Variants in COL24A1 observed in about 807,000 individuals in gnomAD.
COL24A1 encodes collagen alpha-1(XXIV) chain.
A neutral mutation model predicts 253.9 loss-of-function variants in COL24A1; 224 were observed. The observed-to-expected ratio is 0.88, with a 90% confidence interval of 0.79 to 0.99. The LOEUF is 0.99. COL24A1 is among the 50% of genes least tolerant of loss of function. The pLI, the probability that COL24A1 is intolerant of heterozygous loss-of-function variation, is 0.00. For missense variants in COL24A1, 2,131 were observed against 2,068.5 expected (o/e 1.03, Z -0.59); for synonymous variants, 685 against 673.7 (o/e 1.02, Z -0.26).
chr1:86,066,477 C>G (rs1401978693), intron 7 of COL24A1, among the ~76,000 whole-genome samples: 1 of 151,896 alleles, frequency 6.6e-6, no homozygotes, highest in Non-Finnish European at 1.5e-5. Context: ...ATCTCCTGAC[C>G]TCGTGATCTG....
At chr1:86,127,821 C>T (rs1648551398) in intron 2 of COL24A1, among the ~76,000 whole-genome samples, 1 of 152,034 alleles carries the variant, frequency 6.6e-6, no homozygotes, top group African/African-American at 2.4e-5. Context: ...CCAAGTCTCA[C>T]AACTGTGTAC....
intron 2 of COL24A1, among the ~76,000 whole-genome samples, chr1:86,130,241 A>C (rs1156869047): frequency 6.6e-6 from 1 of 151,660 alleles, no homozygotes; most frequent in African/African-American, 2.4e-5. Context: ...TTTTGTTTTC[A>C]TCTACTGTGA....
intron 19 of COL24A1, among the ~76,000 whole-genome samples, chr1:86,005,795 T>C (rs1695896436): frequency 1.3e-5 from 2 of 152,066 alleles, no homozygotes; most frequent in Admixed American, 1.3e-4. Flanking sequence ...ACAGATGACA[T>C]GATTGGCTAT....
chr1:86,011,842 C>T (rs1399118280), intron 19 of COL24A1, among the ~76,000 whole-genome samples: 1 of 152,204 alleles, frequency 6.6e-6, no homozygotes, highest in East Asian at 1.9e-4. Flanking sequence ...AAAGCACTCT[C>T]ATTCTATTGG....
Position 85,865,060 on chromosome 1 carries a change from G to A in COL24A1, c.3300+3459C>T, listed in dbSNP as rs572633527. ...TTCTGTTTAAAGAAATCTAACTCCTGGATTTGGAATTCATTACTGATGCTT... is the reference window on the plus strand; with the variant it reads ...TTCTGTTTAAAGAAATCTAACTCCTAGATTTGGAATTCATTACTGATGCTT... On this transcript the variant is annotated intron_variant, in intron 37 of 59. Coordinates refer to ENST00000370571, the MANE Select transcript of COL24A1 (RefSeq NM_152890.7). Among the ~76,000 whole-genome samples, 24 of 151,676 alleles carry A rather than the reference G, an allele frequency of 1.6e-4. 1 individual carries two copies. In the South Asian group the frequency reaches 2.3e-3, roughly 15 times the overall value.
chr1:86,152,972 C>T (rs899996011), intron 1 of COL24A1, among the ~76,000 whole-genome samples: 1 of 152,100 alleles, frequency 6.6e-6, no homozygotes. Context: ...GGTTTAAAGG[C>T]CTTTCCAAAT....
At chr1:85,970,622 TA>T (rs1416264691) in intron 21 of COL24A1, among the ~76,000 whole-genome samples, 1 of 152,178 alleles carries the variant, frequency 6.6e-6, no homozygotes, top group African/African-American at 2.4e-5. Flanking sequence ...GATTTACCTT[TA>T]AAAAATAGAT....
chr1:86,048,756 C>G (rs1371033605), intron 11 of COL24A1, among the ~76,000 whole-genome samples: 1 of 152,176 alleles, frequency 6.6e-6, no homozygotes, highest in African/African-American at 2.4e-5. Flanking sequence ...TCCCAAAGTG[C>G]TGGGATTAGA....
At chr1:86,009,061 T>C (rs749442166) in intron 19 of COL24A1, among the ~76,000 whole-genome samples, 2 of 152,200 alleles carry the variant, frequency 1.3e-5, no homozygotes, top group African/African-American at 4.8e-5. Flanking sequence ...TAAGTGTAAG[T>C]TGAAGCCAAG....
chr1:85,776,975 G>T (rs1019350485), intron 52 of COL24A1, among the ~76,000 whole-genome samples: 1 of 151,194 alleles, frequency 6.6e-6, no homozygotes, highest in Non-Finnish European at 1.5e-5. Context: ...TTTTGAGAAG[G>T]AGTCTCGCTC....
At chr1:85,884,548 T>C (rs1682242843) in intron 32 of COL24A1, among the ~76,000 whole-genome samples, 1 of 152,158 alleles carries the variant, frequency 6.6e-6, no homozygotes, top group African/African-American at 2.4e-5. Context: ...CATTCTATAG[T>C]TCTACAATTA....
chr1:85,887,246 G>C (rs1682618751), intron 32 of COL24A1, among the ~76,000 whole-genome samples: 1 of 151,990 alleles, frequency 6.6e-6, no homozygotes, highest in Non-Finnish European at 1.5e-5. Flanking sequence ...ATTTAGGTCA[G>C]GAGATTTTTT....
At chr1:85,828,460 T>G (rs1297330087) in intron 43 of COL24A1, among the ~76,000 whole-genome samples, 2 of 151,392 alleles carry the variant, frequency 1.3e-5, no homozygotes, top group Non-Finnish European at 3.0e-5. Context: ...AGAGCTGAGT[T>G]GAATTCCTGG....
At chr1:86,010,896 C>T (rs572110619) in intron 19 of COL24A1, among the ~76,000 whole-genome samples, 5 of 152,238 alleles carry the variant, frequency 3.3e-5, no homozygotes, top group African/African-American at 9.6e-5. Flanking sequence ...AATACACATA[C>T]ATCTGCCCCT....
intron 24 of COL24A1, among the ~76,000 whole-genome samples, chr1:85,943,145 C>T (rs1406858215): frequency 6.6e-6 from 1 of 152,184 alleles, no homozygotes; most frequent in Non-Finnish European, 1.5e-5. Flanking sequence ...TTGCCTTGGA[C>T]ATTAGAATTC....
chr1:85,833,666 C>T (rs552495344), intron 43 of COL24A1, among the ~76,000 whole-genome samples: 16 of 152,126 alleles, frequency 1.1e-4, no homozygotes, highest in African/African-American at 3.6e-4. Context: ...CACATGCACA[C>T]GTATGTTTAT....
At chr1:85,763,770 C>T (rs1667081283) in intron 53 of COL24A1, among the ~76,000 whole-genome samples, 1 of 152,054 alleles carries the variant, frequency 6.6e-6, no homozygotes, top group African/African-American at 2.4e-5. Flanking sequence ...GCTGGGATTA[C>T]AGGCATGAGC....
chr1:85,744,322 A>C lies in COL24A1; in HGVS notation c.4672+344T>G, dbSNP rs150957676. Among the ~76,000 whole-genome samples, 3 of 152,212 alleles carry C rather than the reference A, an allele frequency of 2.0e-5. No homozygotes were observed. The East Asian group carries it at 5.8e-4, about 29-fold the overall frequency. ...TAGGGAGTATGGTGAAGGAGATGCT[A>C]TAATATATTTATTTATGTTGCTAAC... On this transcript the variant is annotated intron_variant, in intron 57 of 59. Transcript: ENST00000370571.
intron 28 of COL24A1, among the ~76,000 whole-genome samples, chr1:85,897,630 G>T (rs576168053): frequency 6.6e-6 from 1 of 152,042 alleles, no homozygotes; most frequent in Non-Finnish European, 1.5e-5. Flanking sequence ...CAAAAAAGCC[G>T]TTGCAAAAGT....
Sources: allele counts gnomAD v4.1 joint callset (sites outside exome capture counted in the v4.1 genomes callset), GRCh38; gene constraint gnomAD v4.1.1; transcripts MANE v1.5; gene names NCBI Gene and HGNC (gene_info 2026-07-23, HGNC 2026-07-21).